PLEKHA7: variants seen among roughly 807,000 people sequenced by gnomAD.
The protein encoded by PLEKHA7 is pleckstrin homology domain containing A7, also known as pleckstrin homology domain-containing family A member 7.
Under a neutral mutation model 170.0 loss-of-function variants are expected in PLEKHA7, and 104 were observed. The observed-to-expected ratio is 0.61, with a 90% CI of 0.52 to 0.72. The LOEUF is 0.72. PLEKHA7 is among the 30% of genes least tolerant of loss of function. The pLI, the probability that PLEKHA7 is intolerant of heterozygous loss-of-function variation, is 0.00. For missense variants in PLEKHA7, 1,615 were observed against 1,671.7 expected (o/e 0.97, Z 0.59); for synonymous variants, 648 against 660.8 (o/e 0.98, Z 0.30).
At chr11:16,916,460 G>T (rs1395270074) in intron 3 of PLEKHA7, among the ~76,000 whole-genome samples, 6 of 152,132 alleles carry the variant, frequency 3.9e-5, no homozygotes, top group African/African-American at 1.2e-4. Context: ...GTGCTGTTGG[G>T]CCTGATTAAC....
intron 8 of PLEKHA7, 89 bp from the exon 9 acceptor site, chr11:16,841,811 C>T (rs886120623): frequency 1.5e-6 from 2 of 1,344,446 alleles, no homozygotes; most frequent in Non-Finnish European, 2.0e-6. Flanking sequence ...TATGGCCCTT[C>T]TAGTCTAAAA....
intron 8 of PLEKHA7, among the ~76,000 whole-genome samples, chr11:16,845,844 G>A (rs79351202): frequency 0.1 from 15,965 of 152,242 alleles, 904 homozygotes; most frequent in East Asian, 0.16. Context: ...GAGAAGGGGA[G>A]GAGCAGACAG....
chr11:16,817,003 T>TGCTCC lies in PLEKHA7; in HGVS notation c.1658_1662dup (p.Arg555GlyfsTer6). The TGCTCC allele has an allele frequency of 4.4e-6, 7 of 1,604,138 alleles. No homozygotes were observed. Among genetic ancestry groups the TGCTCC allele is most frequent in the Non-Finnish European group, 6.0e-6 (7 of 1,174,356 alleles). ...GAGCGGGGCACCTCTAGCATGCTCCTGCTCCGGCCCTGGTCGGTGAACTCT... is the reference window on the plus strand; with the variant it reads ...GAGCGGGGCACCTCTAGCATGCTCCTGCTCCGCTCCGGCCCTGGTCGGTGAACTCT... On this transcript the variant is annotated frameshift_variant, in exon 11 of 27. Transcript: ENST00000531066. LOFTEE classifies it high-confidence loss of function. This position sits in a 1 kb window ranked among gnomAD's most constrained non-coding sequence, Gnocchi z 4.4.
chr11:16,884,828 C>T (rs1855960732), intron 3 of PLEKHA7, among the ~76,000 whole-genome samples: 2 of 152,170 alleles, frequency 1.3e-5, no homozygotes, highest in African/African-American at 4.8e-5. Context: ...ATCATCACAT[C>T]TAACATTTCT....
chr11:16,928,986 C>T (rs1447131291), intron 3 of PLEKHA7, among the ~76,000 whole-genome samples: 2 of 152,170 alleles, frequency 1.3e-5, no homozygotes, highest in African/African-American at 4.8e-5. Flanking sequence ...TTGATTTTTA[C>T]TTCCTCCTTT....
At chr11:16,823,628 C>G (rs1241141548) in intron 10 of PLEKHA7, among the ~76,000 whole-genome samples, 1 of 152,166 alleles carries the variant, frequency 6.6e-6, no homozygotes, top group East Asian at 1.9e-4. Flanking sequence ...TGCACAGCAC[C>G]ATATCTACCT....
intron 3 of PLEKHA7, among the ~76,000 whole-genome samples, chr11:16,947,869 T>C (rs1861136742): frequency 7.2e-6 from 1 of 139,300 alleles, no homozygotes; most frequent in African/African-American, 2.7e-5. Context: ...TGAGCCGAGA[T>C]CATGCCACTA....
intron 24 of PLEKHA7, among the ~76,000 whole-genome samples, chr11:16,785,953 T>TTAATCC (rs1387073471): frequency 2.0e-5 from 3 of 152,202 alleles, no homozygotes; most frequent in Non-Finnish European, 4.4e-5. Flanking sequence ...GTGCAGTTAC[T>TTAATCC]TAATCCTCTT....
At chr11:16,851,734 CCA>C (rs1325579598) in intron 7 of PLEKHA7, among the ~76,000 whole-genome samples, 1 of 152,138 alleles carries the variant, frequency 6.6e-6, no homozygotes, top group Non-Finnish European at 1.5e-5. Flanking sequence ...CAGGTGTGAG[CCA>C]CAGTGCCCAG....
chr11:16,979,130 C>T (rs898653892), intron 3 of PLEKHA7, among the ~76,000 whole-genome samples: 1 of 152,178 alleles, frequency 6.6e-6, no homozygotes, highest in South Asian at 2.1e-4. Flanking sequence ...CTCCGCCTCC[C>T]GGGTTCAAGC....
intron 3 of PLEKHA7, among the ~76,000 whole-genome samples, chr11:16,957,274 A>C (rs1861756549): frequency 6.6e-6 from 1 of 152,278 alleles, no homozygotes; most frequent in South Asian, 2.1e-4. Flanking sequence ...AAAAAACTGG[A>C]AACAATCTCA....
At chr11:16,782,941 T>C (rs1373640166) in intron 25 of PLEKHA7, 45 bp from the exon 26 acceptor site, 21 of 1,525,428 alleles carry the variant, frequency 1.4e-5, no homozygotes, top group Non-Finnish European at 1.8e-5. Flanking sequence ...CTGCCCTGGG[T>C]AGCAGCCTCA....
rs1392910492 is a variant in PLEKHA7, at chr11:16,805,801, AAAAAAAC to A, written c.2008-2513_2008-2507del. Among the ~76,000 whole-genome samples, 1,087 of 135,156 alleles carry A rather than the reference AAAAAAAC, an allele frequency of 8.0e-3. 3 individuals carry two copies. The highest frequency in any genetic ancestry group is 0.027 in the African/African-American group (1,018 of 37,436). The allele number at this position is 135,156 out of a possible 152,430, so 88.7% of individuals were successfully genotyped here. ...CGAGACTCCATGTCAAAAAAAAAAAAAAAAAACAAAAACAAAAACAAAAAAAACTGCT... is the reference window on the plus strand; with the variant it reads ...CGAGACTCCATGTCAAAAAAAAAAAAAAAAACAAAAACAAAAAAAACTGCT... On this transcript the variant is annotated intron_variant, in intron 13 of 26. Transcript: ENST00000531066.
intron 9 of PLEKHA7, among the ~76,000 whole-genome samples, chr11:16,834,329 TA>T (rs1449805006): frequency 3.9e-5 from 6 of 152,098 alleles, no homozygotes; most frequent in Non-Finnish European, 8.8e-5. Flanking sequence ...ATTTATAGAA[TA>T]AAAGACTAAA....
At chr11:16,788,799 C>T (rs1034351943) in intron 23 of PLEKHA7, 19 of 496,020 alleles carry the variant, frequency 3.8e-5, no homozygotes, top group South Asian at 1.5e-4. Context: ...TGAATTCAGC[C>T]GAGATTCCGA....
chr11:16,966,071 T>A (rs1201010880), intron 3 of PLEKHA7, among the ~76,000 whole-genome samples: 3 of 152,244 alleles, frequency 2.0e-5, no homozygotes, highest in South Asian at 2.1e-4. Flanking sequence ...TAGTCCCAGT[T>A]ACTCGGGAGG....
chr11:16,906,457 ATTG>A (rs1857717158), intron 3 of PLEKHA7, among the ~76,000 whole-genome samples: 1 of 135,698 alleles, frequency 7.4e-6, no homozygotes, highest in Non-Finnish European at 1.5e-5. Context: ...AGTGCCTGCG[ATTG>A]CAGGCACGCG....
chr11:16,924,257 T>A (rs1859315966), intron 3 of PLEKHA7, among the ~76,000 whole-genome samples: 1 of 152,168 alleles, frequency 6.6e-6, no homozygotes, highest in Non-Finnish European at 1.5e-5. Flanking sequence ...CACCTGGACC[T>A]TTCTGCTCCC....
At chr11:16,844,378 G>C (rs1361398089) in intron 8 of PLEKHA7, among the ~76,000 whole-genome samples, 1 of 152,212 alleles carries the variant, frequency 6.6e-6, no homozygotes, top group African/African-American at 2.4e-5. Flanking sequence ...ACTCTGAAGA[G>C]CAGATTCCAA....
Sources: allele counts gnomAD v4.1 joint callset (sites outside exome capture counted in the v4.1 genomes callset), GRCh38; gene constraint gnomAD v4.1.1; non-coding constraint Gnocchi (gnomAD v3.1); transcripts MANE v1.5; gene names NCBI Gene and HGNC (gene_info 2026-07-23, HGNC 2026-07-21).